NTSR1: variants seen among roughly 807,000 people sequenced by gnomAD.
NTSR1 encodes neurotensin receptor 1.
A neutral mutation model predicts 31.2 loss-of-function variants in NTSR1; 29 were observed. The ratio of observed to expected loss-of-function variants is 0.93; its 90% CI spans 0.69 to 1.27. The LOEUF (loss-of-function observed/expected upper bound fraction) is 1.27, where lower values mean the gene tolerates loss of function less well. Ranked by LOEUF, NTSR1 falls within the 50% of genes most tolerant of loss-of-function variation. The pLI is 0.00. For synonymous variants in NTSR1, 282 were observed against 269.9 expected (o/e 1.04, Z -0.44); for missense variants, 697 against 595.4 (o/e 1.17, Z -1.78).
At chr20:62,721,934 T>A (rs1219719055) in intron 1 of NTSR1, among the ~76,000 whole-genome samples, 13 of 152,206 alleles carry the variant, frequency 8.5e-5, no homozygotes, top group Admixed American at 8.5e-4. Context: ...TCTGATCAGA[T>A]TCATATCATG....
At chr20:62,759,660 A>T (rs1989576875) in intron 3 of NTSR1, among the ~76,000 whole-genome samples, 1 of 151,970 alleles carries the variant, frequency 6.6e-6, no homozygotes, top group South Asian at 2.1e-4. Context: ...CTGTAGTCCC[A>T]GCTACTCGGG....
chr20:62,750,707 A>C (rs1989379457), intron 1 of NTSR1, among the ~76,000 whole-genome samples: 1 of 149,994 alleles, frequency 6.7e-6, no homozygotes, highest in Non-Finnish European at 1.5e-5. Flanking sequence ...AAAAAAAAAA[A>C]AAAAACAATA....
Position 62,758,491 on chromosome 20 carries a change from AG to A in NTSR1, c.1007+138del. The A allele has an allele frequency of 1.3e-6, 1 of 767,626 alleles. No individual in the cohort carries two copies. Among genetic ancestry groups the A allele is most frequent in the Non-Finnish European group, 2.2e-6 (1 of 461,544 alleles). 47.6% of individuals were successfully genotyped at this position (767,626 alleles called of 1,614,324 possible). A position where few individuals can be genotyped will look rare whatever the true frequency, so the allele number is the denominator to read the frequency against. ...TGAGTCCCCCGGCGACCCCCTGGGC[AG>A]GGTTGTGCTGTGACTGGGGCCGGGA... On this transcript the variant is annotated intron_variant, in intron 3 of 3. Coordinates refer to ENST00000370501, the MANE Select transcript of NTSR1 (RefSeq NM_002531.3). The surrounding 1 kb of genome is among the most constrained non-coding windows in gnomAD (Gnocchi z 4.5).
Position 62,732,320 on chromosome 20 carries a change from G to C in NTSR1, c.715-22365G>C, listed in dbSNP as rs1251208576. Among the ~76,000 whole-genome samples, 2 of 152,180 alleles carry C rather than the reference G, an allele frequency of 1.3e-5. No homozygotes were observed. The highest frequency in any genetic ancestry group is 4.8e-5 in the African/African-American group (2 of 41,438). On this transcript the variant is annotated intron_variant, in intron 1 of 3. Transcript: ENST00000370501. This position sits in a 1 kb window ranked among gnomAD's most constrained non-coding sequence, Gnocchi z 4.0. Reference sequence around the variant, plus strand: ...GTATGACATGGGCTGTAGGTTTTTAGTAGATGTTCTCTACCAAGCTGAGGG... The same window carrying C: ...GTATGACATGGGCTGTAGGTTTTTACTAGATGTTCTCTACCAAGCTGAGGG...
chr20:62,746,414 T>G (rs1989302396), intron 1 of NTSR1, among the ~76,000 whole-genome samples: 2 of 152,176 alleles, frequency 1.3e-5, no homozygotes, highest in Non-Finnish European at 2.9e-5. Context: ...CTGCAGGTGG[T>G]TCTTTCAGTG....
chr20:62,713,088 C>T (rs368224659), intron 1 of NTSR1, among the ~76,000 whole-genome samples: 2 of 152,186 alleles, frequency 1.3e-5, no homozygotes. Flanking sequence ...TGGCCACACA[C>T]GAAAGCAAAC....
chr20:62,723,166 T>C (rs1461303134), intron 1 of NTSR1, among the ~76,000 whole-genome samples: 1 of 152,240 alleles, frequency 6.6e-6, no homozygotes, highest in African/African-American at 2.4e-5. Context: ...TGTTTTCTTA[T>C]AATTCAAACA....
In NTSR1 at chr20:62,760,051, G is replaced by A. The variant is rs1989588011; in HGVS notation, c.1041G>A (p.Met347Ile). 1 of 1,613,990 alleles carries A rather than the reference G, an allele frequency of 6.2e-7. No homozygotes were observed. The highest frequency in any genetic ancestry group is 1.3e-5 in the African/African-American group (1 of 75,014). The change falls in exon 4 of 4, where the codon ATG becomes ATA. Residue 347 changes from methionine (M) to isoleucine (I), a missense_variant. Physicochemically the swap from Met to Ile is conservative, Grantham distance 10. Coordinates refer to ENST00000370501, the MANE Select transcript of NTSR1 (RefSeq NM_002531.3). ...ATGACTTCTACCACTACTTCTACATGGTGACCAACGCACTCTTCTACGTCA... is the reference window on the plus strand; with the variant it reads ...ATGACTTCTACCACTACTTCTACATAGTGACCAACGCACTCTTCTACGTCA... Reference protein sequence around the residue: ...FLYDFYHYFYMVTNALFYVSS... With the variant: ...FLYDFYHYFYIVTNALFYVSS...
Position 62,754,845 on chromosome 20 carries a change from C to T in NTSR1, c.875C>T (p.Pro292Leu), listed in dbSNP as rs1336598539. ...AGCACATTCAGCATGGCCATCGAGCCTGGCAGGGTCCAGGCCCTGCGGCAC... is the reference window on the plus strand; with the variant it reads ...AGCACATTCAGCATGGCCATCGAGCTTGGCAGGGTCCAGGCCCTGCGGCAC... The part of the protein sequence containing the change: ...EHSTFSMAIE[P>L]GRVQALRHGV... Residue 292 changes from proline to leucine, a missense_variant, in exon 2 of 4, where the codon CCT becomes CTT. Pro to Leu is a moderately conservative substitution (Grantham distance 98). Transcript: ENST00000370501. The T allele has an allele frequency of 1.9e-6, 3 of 1,607,252 alleles. No homozygotes were observed. Among genetic ancestry groups the T allele is most frequent in the South Asian group, 1.1e-5 (1 of 91,052 alleles).
In NTSR1 at chr20:62,743,196, G is replaced by T. The variant is rs1481736111; in HGVS notation, c.715-11489G>T. Among the ~76,000 whole-genome samples the T allele has an allele frequency of 2.7e-5, 4 of 149,424 alleles. No individual in the cohort carries two copies. The highest frequency in any genetic ancestry group is 5.9e-5 in the Non-Finnish European group (4 of 68,012). On this transcript the variant is annotated intron_variant, in intron 1 of 3. Coordinates refer to ENST00000370501, the MANE Select transcript of NTSR1 (RefSeq NM_002531.3). This position sits in a 1 kb window ranked among gnomAD's most constrained non-coding sequence, Gnocchi z 7.5. ...TTGCTCCCTGCCCCCGGTCCAGTCAGCTGAGTGCCCCGTGGTGTGGGTGCG... is the reference window on the plus strand; with the variant it reads ...TTGCTCCCTGCCCCCGGTCCAGTCATCTGAGTGCCCCGTGGTGTGGGTGCG...
At chr20:62,722,454 C>T (rs923563744) in intron 1 of NTSR1, among the ~76,000 whole-genome samples, 2 of 152,198 alleles carry the variant, frequency 1.3e-5, no homozygotes, top group Non-Finnish European at 2.9e-5. Flanking sequence ...TCTGATAAGC[C>T]TTTCGTGGCC....
At chr20:62,720,582 A>G (rs1229577326) in intron 1 of NTSR1, among the ~76,000 whole-genome samples, 4 of 151,974 alleles carry the variant, frequency 2.6e-5, no homozygotes, top group Non-Finnish European at 4.4e-5. Flanking sequence ...GTTCTTTTTC[A>G]AGAATGAGCT....
At position 62,714,094 on chromosome 20, in the gene NTSR1, G is replaced by GA. The variant is rs952591084; in HGVS notation, c.714+4182dup. Among the ~76,000 whole-genome samples the GA allele has an allele frequency of 7.9e-5, 12 of 151,512 alleles. No homozygotes were observed. Among genetic ancestry groups the GA allele is most frequent in the Non-Finnish European group, 1.6e-4 (11 of 67,818 alleles). Reference sequence around the variant, plus strand: ...CAGCCTGGGTGACAACTGTCTCAAAGAAAAAAAAAGTTGCAGAAGAAGTTC... The same window carrying GA: ...CAGCCTGGGTGACAACTGTCTCAAAGAAAAAAAAAAGTTGCAGAAGAAGTTC... On this transcript the variant is annotated intron_variant, in intron 1 of 3. Transcript: ENST00000370501. The surrounding 1 kb of genome is among the most constrained non-coding windows in gnomAD (Gnocchi z 4.1).
chr20:62,734,071 G>A (rs557618465), intron 1 of NTSR1, among the ~76,000 whole-genome samples: 4 of 152,234 alleles, frequency 2.6e-5, no homozygotes, highest in East Asian at 1.9e-4. Flanking sequence ...GGCTGGGGCC[G>A]GCGGCAGGTT....
intron 2 of NTSR1, among the ~76,000 whole-genome samples, chr20:62,756,361 G>A (rs950353233): frequency 6.6e-6 from 1 of 152,240 alleles, no homozygotes; most frequent in East Asian, 1.9e-4. Context: ...CGGGGCAGGG[G>A]CAGGGCAGAC....
rs16983204 is a variant in NTSR1, at chr20:62,741,847, A to G, written c.715-12838A>G. 0.11 allele frequency among the ~76,000 whole-genome samples: 16,249 copies of G among 149,138 alleles called. 3,064 individuals carry two copies. Among genetic ancestry groups the G allele is most frequent in the African/African-American group, 0.32 (12,880 of 39,780 alleles). The stretch of plus-strand genomic sequence containing the variant: ...CACCAGTGGGGATGAGGATCTGCTC[A>G]TAGGATGGCCCCTGATGGAGGAAGT... On this transcript the variant is annotated intron_variant, in intron 1 of 3. Transcript: ENST00000370501. This position sits in a 1 kb window ranked among gnomAD's most constrained non-coding sequence, Gnocchi z 4.3.
In NTSR1 at chr20:62,715,140, G is replaced by C. The variant is rs1988690035; in HGVS notation, c.714+5219G>C. ...TTTAGTAATTAAAAGTTTTCAAAAG[G>C]TTAAGGTGCTATATGTTGGAAATAA... is the stretch of plus-strand genomic sequence containing the variant. On this transcript the variant is annotated intron_variant, in intron 1 of 3. Coordinates refer to ENST00000370501, the MANE Select transcript of NTSR1 (RefSeq NM_002531.3). The surrounding 1 kb of genome is among the most constrained non-coding windows in gnomAD (Gnocchi z 4.7). Among the ~76,000 whole-genome samples the C allele has an allele frequency of 6.6e-6, 1 of 152,172 alleles. No individual in the cohort carries two copies. The highest frequency in any genetic ancestry group is 2.4e-5 in the African/African-American group (1 of 41,438).
At chr20:62,747,619 A>G (rs953768237) in intron 1 of NTSR1, among the ~76,000 whole-genome samples, 3 of 152,268 alleles carry the variant, frequency 2.0e-5, no homozygotes, top group Non-Finnish European at 4.4e-5. Flanking sequence ...GCACTACTCA[A>G]CATGGTCCTG....
intron 1 of NTSR1, among the ~76,000 whole-genome samples, chr20:62,724,985 C>T (rs1211165610): frequency 6.6e-6 from 1 of 152,260 alleles, no homozygotes; most frequent in East Asian, 1.9e-4. Context: ...TACATCTGCA[C>T]ACTCTTTTCC....
Sources: allele counts gnomAD v4.1 joint callset (sites outside exome capture counted in the v4.1 genomes callset), GRCh38; gene constraint gnomAD v4.1.1; non-coding constraint Gnocchi (gnomAD v3.1); transcripts MANE v1.5; gene names NCBI Gene and HGNC (gene_info 2026-07-23, HGNC 2026-07-21).